The following CAMKMT variants were observed in gnomAD, a reference collection of about 807,000 sequenced individuals.
The protein encoded by CAMKMT is CaM KMT.
Under a neutral mutation model 48.0 loss-of-function variants are expected in CAMKMT, and 53 were observed. The observed-to-expected ratio is 1.10, with a 90% CI of 0.89 to 1.39. The LOEUF is 1.39. CAMKMT is among the 40% of genes most tolerant of loss of function. The probability of loss-of-function intolerance (pLI) is 0.00; values close to 1 mark genes in which losing one functional copy is unlikely to be tolerated. For synonymous variants in CAMKMT, 165 were observed against 152.3 expected (o/e 1.08, Z -0.61); for missense variants, 428 against 402.7 (o/e 1.06, Z -0.54).
intron 2 of CAMKMT, among the ~76,000 whole-genome samples, chr2:44,377,049 C>G (rs1291788326): frequency 6.6e-6 from 1 of 152,066 alleles, no homozygotes; most frequent in Admixed American, 6.5e-5. Flanking sequence ...CTCTGTTGCC[C>G]AGGCTGGTAT....
chr2:44,472,614 G>A (rs1289804109), intron 3 of CAMKMT, among the ~76,000 whole-genome samples: 1 of 152,112 alleles, frequency 6.6e-6, no homozygotes, highest in Non-Finnish European at 1.5e-5. Flanking sequence ...GCAAGAACCT[G>A]AGGATACAAA....
intron 3 of CAMKMT, among the ~76,000 whole-genome samples, chr2:44,529,935 T>C (rs1023817837): frequency 4.6e-5 from 7 of 152,210 alleles, no homozygotes; most frequent in Non-Finnish European, 8.8e-5. Context: ...CAGTGCCGCA[T>C]ATATAATGTA....
intron 7 of CAMKMT, among the ~76,000 whole-genome samples, chr2:44,725,222 T>A (rs1000431928): frequency 2.0e-5 from 3 of 151,094 alleles, no homozygotes; most frequent in Admixed American, 1.3e-4. Flanking sequence ...TTACATACAT[T>A]CTTCTTTAAA....
chr2:44,711,300 C>T (rs1417047049), intron 6 of CAMKMT, among the ~76,000 whole-genome samples: 1 of 152,120 alleles, frequency 6.6e-6, no homozygotes, highest in African/African-American at 2.4e-5. Flanking sequence ...ATATTAATGG[C>T]ATGTCATTAC....
intron 3 of CAMKMT, among the ~76,000 whole-genome samples, chr2:44,694,707 T>C (rs1326008635): frequency 2.6e-5 from 4 of 152,382 alleles, no homozygotes; most frequent in African/African-American, 9.6e-5. Flanking sequence ...TGGCTGGCTA[T>C]AGGCTTTCTA....
At chr2:44,694,211 T>A (rs986856579) in intron 3 of CAMKMT, among the ~76,000 whole-genome samples, 2 of 152,220 alleles carry the variant, frequency 1.3e-5, no homozygotes, top group African/African-American at 4.8e-5. Context: ...AATTTTAGGA[T>A]TTGCTCAGTC....
At chr2:44,373,574 A>G (rs1679386754) in intron 2 of CAMKMT, among the ~76,000 whole-genome samples, 1 of 152,214 alleles carries the variant, frequency 6.6e-6, no homozygotes, top group African/African-American at 2.4e-5. Flanking sequence ...GGAGGAGCAC[A>G]TTTACAGTAA....
chr2:44,719,240 C>T (rs1173685520), intron 7 of CAMKMT, among the ~76,000 whole-genome samples: 1 of 152,158 alleles, frequency 6.6e-6, no homozygotes, highest in East Asian at 1.9e-4. Context: ...GATGGCTCCA[C>T]TGCCATTTTC....
chr2:44,764,052 C>T (rs760224104), intron 9 of CAMKMT, among the ~76,000 whole-genome samples: 7 of 151,170 alleles, frequency 4.6e-5, no homozygotes, highest in Non-Finnish European at 1.0e-4. Context: ...CTAATGGAGA[C>T]TTTTGCTGTC....
At chr2:44,613,084 A>T (rs966506368) in intron 3 of CAMKMT, among the ~76,000 whole-genome samples, 2 of 152,222 alleles carry the variant, frequency 1.3e-5, no homozygotes, top group Non-Finnish European at 2.9e-5. Flanking sequence ...TGAGATTTCA[A>T]TGAGTCTTTT....
At chr2:44,640,193 G>A (rs1172241301) in intron 3 of CAMKMT, among the ~76,000 whole-genome samples, 1 of 152,164 alleles carries the variant, frequency 6.6e-6, no homozygotes, top group Non-Finnish European at 1.5e-5. Flanking sequence ...TGGTAAAATG[G>A]AATAGAAGGA....
At chr2:44,591,682 A>G (rs1310946178) in intron 3 of CAMKMT, among the ~76,000 whole-genome samples, 2 of 151,812 alleles carry the variant, frequency 1.3e-5, no homozygotes, top group African/African-American at 4.8e-5. Context: ...AGAACTAGAA[A>G]TACCATTTGA....
At chr2:44,527,001 T>C (rs938945597) in intron 3 of CAMKMT, among the ~76,000 whole-genome samples, 2 of 151,550 alleles carry the variant, frequency 1.3e-5, no homozygotes, top group African/African-American at 4.8e-5. Context: ...TTATAGAGCA[T>C]TTTCATCACC....
At chr2:44,694,868 C>T (rs1276880901) in intron 3 of CAMKMT, among the ~76,000 whole-genome samples, 1 of 152,178 alleles carries the variant, frequency 6.6e-6, no homozygotes, top group Non-Finnish European at 1.5e-5. Flanking sequence ...TCTTGTTTAG[C>T]CAATGCTTTT....
chr2:44,375,026 G>A (rs942484737), intron 2 of CAMKMT, among the ~76,000 whole-genome samples: 1 of 152,120 alleles, frequency 6.6e-6, no homozygotes, highest in Non-Finnish European at 1.5e-5. Flanking sequence ...AGGCACTCAG[G>A]AGGCTGAGGC....
chr2:44,688,483 T>C (rs1386740106), intron 3 of CAMKMT, among the ~76,000 whole-genome samples: 1 of 150,988 alleles, frequency 6.6e-6, no homozygotes, highest in Non-Finnish European at 1.5e-5. Context: ...TATATATGTG[T>C]ATATATACAC....
intron 1 of CAMKMT, among the ~76,000 whole-genome samples, chr2:44,368,305 A>T (rs376274748): frequency 3.9e-5 from 6 of 152,102 alleles, no homozygotes; most frequent in Non-Finnish European, 7.4e-5. Context: ...TTGATGGGAG[A>T]TTTGAGCATC....
chr2:44,554,026 G>A (rs535900941), intron 3 of CAMKMT, among the ~76,000 whole-genome samples: 1 of 152,178 alleles, frequency 6.6e-6, no homozygotes, highest in Non-Finnish European at 1.5e-5. Flanking sequence ...CTCTTAGGAG[G>A]TGGGTGCCTA....
chr2:44,723,783 G>A (rs1018552234), intron 7 of CAMKMT: 2 of 152,042 alleles, frequency 1.3e-5, no homozygotes, highest in East Asian at 1.9e-4. Flanking sequence ...GCTCTCATTT[G>A]TCTGGAATTC....
Sources: gnomAD v4.1 joint callset for allele counts (sites outside exome capture counted in the v4.1 genomes callset) on GRCh38, gnomAD v4.1.1 for gene constraint, MANE v1.5 for transcripts, NCBI Gene and HGNC (gene_info 2026-07-23, HGNC 2026-07-21) for gene names.